The following MED15 variants were observed in gnomAD, a reference collection of about 807,000 sequenced individuals.
MED15 encodes the protein mediator of RNA polymerase II transcription subunit 15.
A neutral mutation model predicts 118.7 loss-of-function variants in MED15; 41 were observed. That is an observed-to-expected ratio of 0.35 (90% CI 0.27 to 0.45). MED15 has a LOEUF of 0.45. Ranked by LOEUF, MED15 falls within the 20% of genes least tolerant of loss-of-function variation. The pLI, the probability that MED15 is intolerant of heterozygous loss-of-function variation, is 1.00. For synonymous variants in MED15, 436 were observed against 413.9 expected (o/e 1.05, Z -0.65); for missense variants, 740 against 1,025.5 (o/e 0.72, Z 3.80).
At chr22:20,568,841 G>A (rs569872396) in intron 8 of MED15, among the ~76,000 whole-genome samples, 38 of 152,304 alleles carry the variant, frequency 2.5e-4, no homozygotes, top group African/African-American at 5.5e-4. Context: ...CCCACCAGCC[G>A]CATAGTGCGT....
intron 9 of MED15, among the ~76,000 whole-genome samples, chr22:20,576,853 C>G (rs2056838463): frequency 1.3e-5 from 2 of 152,186 alleles, no homozygotes; most frequent in Admixed American, 1.3e-4. Flanking sequence ...GCACTCTTGT[C>G]TGCTAAAACT....
chr22:20,522,547 G>T (rs1295285572), intron 1 of MED15, among the ~76,000 whole-genome samples: 2 of 152,170 alleles, frequency 1.3e-5, no homozygotes, highest in African/African-American at 4.8e-5. Flanking sequence ...GTGAATGCTC[G>T]TATTCCGTGT....
intron 1 of MED15, among the ~76,000 whole-genome samples, chr22:20,517,140 G>A (rs1230278804): frequency 6.7e-6 from 1 of 148,668 alleles, no homozygotes; most frequent in African/African-American, 2.5e-5. Flanking sequence ...GTCTTGGTTT[G>A]TTGCCCAGGC....
intron 5 of MED15, among the ~76,000 whole-genome samples, chr22:20,560,153 A>G (rs941530720): frequency 1.3e-5 from 2 of 152,170 alleles, no homozygotes; most frequent in African/African-American, 2.4e-5. Context: ...CAGTAGTGAA[A>G]AGGTTGAAAA....
intron 3 of MED15, among the ~76,000 whole-genome samples, chr22:20,551,982 T>A (rs2055794290): frequency 6.6e-6 from 1 of 152,196 alleles, no homozygotes. Context: ...ACGTTGTGCC[T>A]CCTCTGATTC....
At chr22:20,551,833 C>T in intron 3 of MED15, 1 of 320,512 alleles carries the variant, frequency 3.1e-6, no homozygotes, top group South Asian at 3.3e-5. Context: ...AACTCTCTTC[C>T]CTAAAAGTTG....
intron 1 of MED15, chr22:20,523,602 A>C: frequency 1.0e-6 from 1 of 954,518 alleles, no homozygotes; most frequent in Non-Finnish European, 1.2e-6. Context: ...CCACAGAGCC[A>C]TGTGAGATCA....
At chr22:20,521,903 T>G (rs1267727882) in intron 1 of MED15, among the ~76,000 whole-genome samples, 1 of 151,854 alleles carries the variant, frequency 6.6e-6, no homozygotes, top group Non-Finnish European at 1.5e-5. Flanking sequence ...TTTTTGTATT[T>G]TTAGTAGAGA....
At chr22:20,560,565 T>C (rs1327469731) in intron 5 of MED15, among the ~76,000 whole-genome samples, 1 of 152,046 alleles carries the variant, frequency 6.6e-6, no homozygotes, top group Non-Finnish European at 1.5e-5. Context: ...GCCTGGCCTA[T>C]TATTATTATT....
At chr22:20,546,493 T>G (rs538276571) in intron 2 of MED15, among the ~76,000 whole-genome samples, 46 of 150,652 alleles carry the variant, frequency 3.1e-4, no homozygotes, top group African/African-American at 1.1e-3. Flanking sequence ...CCCACATTCG[T>G]TACATGGAGT....
At chr22:20,563,118 A>T (rs577818900) in intron 5 of MED15, among the ~76,000 whole-genome samples, 44 of 152,266 alleles carry the variant, frequency 2.9e-4, no homozygotes, top group African/African-American at 1.1e-3. Flanking sequence ...AAACTGAATC[A>T]CTCATATATT....
intron 2 of MED15, among the ~76,000 whole-genome samples, chr22:20,548,668 T>C (rs1223849920): frequency 1.3e-5 from 2 of 152,224 alleles, no homozygotes; most frequent in Non-Finnish European, 2.9e-5. Context: ...ACAGGTCTTA[T>C]ATAAAAGGTG....
chr22:20,545,100 A>G (rs896587617), intron 2 of MED15, among the ~76,000 whole-genome samples: 3 of 152,204 alleles, frequency 2.0e-5, no homozygotes, highest in Non-Finnish European at 4.4e-5. Flanking sequence ...AAGGACTGTT[A>G]TTTAGCCTGC....
intron 1 of MED15, among the ~76,000 whole-genome samples, chr22:20,517,217 A>G (rs545660841): frequency 8.2e-4 from 125 of 152,022 alleles, no homozygotes; most frequent in African/African-American, 2.7e-3. Context: ...GATTACAGGC[A>G]TGAGCCACTA....
At position 20,568,568 on chromosome 22, in the gene MED15, G is replaced by A. The variant is rs748960763; in HGVS notation, c.1089G>A (p.Val363=). ...VVQQPPVQPQ[V]QQQQTAVQTA... ...AGCAGCCCCCAGTGCAGCCCCAGGT[G>A]CAGCAGCAGCAGACAGCAGTACAGA... The change falls in exon 8 of 18, where the codon GTG becomes GTA. Residue 363 remains valine (V), a synonymous_variant. Coordinates refer to ENST00000263205, the MANE Select transcript of MED15 (RefSeq NM_001003891.3). 4 of 1,612,860 alleles carry A rather than the reference G, an allele frequency of 2.5e-6. No individual in the cohort carries two copies. The highest frequency in any genetic ancestry group is 2.7e-5 in the African/African-American group (2 of 74,886).
Position 20,544,388 on chromosome 22 carries a change from G to A in MED15, c.157-7048G>A, listed in dbSNP as rs565634172. Among the ~76,000 whole-genome samples, 7 of 152,246 alleles carry A rather than the reference G, an allele frequency of 4.6e-5. No homozygotes were observed. In the East Asian group the frequency reaches 5.8e-4, roughly 13 times the overall value. ...GCTTAAAAGAACAGAAATTTAGGCCGGGTGCGGTGGCTCACGCCTGTAATC... is the reference window on the plus strand; with the variant it reads ...GCTTAAAAGAACAGAAATTTAGGCCAGGTGCGGTGGCTCACGCCTGTAATC... On this transcript the variant is annotated intron_variant, in intron 2 of 17. Coordinates refer to ENST00000263205, the MANE Select transcript of MED15 (RefSeq NM_001003891.3).
Position 20,587,123 on chromosome 22 carries a change from A to G in MED15, c.*419A>G, listed in dbSNP as rs2057158307. On this transcript the variant is annotated 3_prime_UTR_variant, in exon 18 of 18. Coordinates refer to ENST00000263205, the MANE Select transcript of MED15 (RefSeq NM_001003891.3). ...AGAGGACATAGGAAACCCTTAAAAC[A>G]CACATGGGATTCTCTGGTCACAGTT... 2 of 180,930 alleles carry G rather than the reference A, an allele frequency of 1.1e-5. No individual in the cohort carries two copies. Among genetic ancestry groups the G allele is most frequent in the Non-Finnish European group, 2.3e-5 (2 of 85,510 alleles). The allele number at this position is 180,930 out of a possible 1,614,324, so 11.2% of individuals were successfully genotyped here.
At chr22:20,557,000 C>T (rs1451584968) in intron 5 of MED15, among the ~76,000 whole-genome samples, 1 of 152,214 alleles carries the variant, frequency 6.6e-6, no homozygotes, top group African/African-American at 2.4e-5. Flanking sequence ...CTTATTCATT[C>T]ACCCATGAAG....
rs758663768 is a variant in MED15, at chr22:20,507,661, G to A, written c.-18G>A. The stretch of plus-strand genomic sequence containing the variant: ...GGCGGCCAAGCGGGATACGGGCGGC[G>A]GGAGCTGGGGAACAGGCATGGACGT... On this transcript the variant is annotated 5_prime_UTR_variant, in exon 1 of 18. Transcript: ENST00000263205. The A allele has an allele frequency of 6.2e-7, 1 of 1,613,898 alleles. No homozygotes were observed. The highest frequency in any genetic ancestry group is 8.5e-7 in the Non-Finnish European group (1 of 1,179,846).
Sources: gnomAD v4.1 joint callset for allele counts (sites outside exome capture counted in the v4.1 genomes callset) on GRCh38, gnomAD v4.1.1 for gene constraint, MANE v1.5 for transcripts, NCBI Gene and HGNC (gene_info 2026-07-23, HGNC 2026-07-21) for gene names.